MAP2: variants seen among roughly 807,000 people sequenced by gnomAD.
The protein encoded by MAP2 is microtubule-associated protein 2.
MAP2 carries 14 observed loss-of-function variants against 137.6 expected under a neutral mutation model. That is an observed-to-expected ratio of 0.10 (90% confidence interval 0.07 to 0.16). MAP2 has a LOEUF of 0.16. Ranked by LOEUF, MAP2 falls within the 10% of genes least tolerant of loss-of-function variation. MAP2 has a pLI of 1.00. For synonymous variants in MAP2, 786 were observed against 782.3 expected (o/e 1.00, Z -0.08); for missense variants, 2,088 against 2,191.5 (o/e 0.95, Z 0.94).
At chr2:209,562,628 C>T (rs553121326) in intron 2 of MAP2, among the ~76,000 whole-genome samples, 85 of 151,768 alleles carry the variant, frequency 5.6e-4, no homozygotes, top group African/African-American at 1.8e-3. Context: ...ACCCAGAAGG[C>T]GGAGGTTGCA....
Position 209,695,096 on chromosome 2 carries a change from C to T in MAP2, c.2926C>T (p.His976Tyr), listed in dbSNP as rs758933497. ...KSEEHADSKE[H>Y]AKKTEEAGDE... ...TGAAGAACATGCTGATTCAAAAGAA[C>T]ATGCCAAGAAAACTGAAGAGGCTGG... Residue 976 changes from histidine (H) to tyrosine (Y), a missense_variant, in exon 8 of 16, where the codon CAT becomes TAT. Coordinates refer to ENST00000682079, the MANE Select transcript of MAP2 (RefSeq NM_001375505.1). 4 of 1,614,110 alleles carry T rather than the reference C, an allele frequency of 2.5e-6. No individual in the cohort carries two copies. The South Asian group carries it at 3.3e-5, about 13-fold the overall frequency.
At chr2:209,728,329 C>A (rs2074837304) in intron 14 of MAP2, among the ~76,000 whole-genome samples, 1 of 152,046 alleles carries the variant, frequency 6.6e-6, no homozygotes, top group African/African-American at 2.4e-5. Context: ...TGAATCATTG[C>A]AAATCATGTT....
intron 1 of MAP2, among the ~76,000 whole-genome samples, chr2:209,484,345 G>A (rs542081684): frequency 1.1e-4 from 16 of 151,668 alleles, no homozygotes; most frequent in Admixed American, 5.2e-4. Context: ...AGTGGCTCAC[G>A]CCCGTAATCC....
At chr2:209,481,859 C>T (rs1708858688) in intron 1 of MAP2, among the ~76,000 whole-genome samples, 2 of 152,178 alleles carry the variant, frequency 1.3e-5, no homozygotes, top group Admixed American at 1.3e-4. Flanking sequence ...TAGCTCACCA[C>T]GTAGCATACA....
intron 4 of MAP2, among the ~76,000 whole-genome samples, chr2:209,640,611 T>C (rs771066947): frequency 1.8e-4 from 27 of 152,060 alleles, no homozygotes; most frequent in Admixed American, 5.9e-4. Context: ...ATTTGGAATG[T>C]GATTTTAATT....
chr2:209,507,109 A>G (rs2061168924), intron 1 of MAP2, among the ~76,000 whole-genome samples: 1 of 152,150 alleles, frequency 6.6e-6, no homozygotes. Context: ...ATCACCTTCC[A>G]AAGGCCCCAC....
At chr2:209,712,746 T>C (rs1199322504) in intron 13 of MAP2, among the ~76,000 whole-genome samples, 1 of 152,160 alleles carries the variant, frequency 6.6e-6, no homozygotes, top group Non-Finnish European at 1.5e-5. Context: ...GGAGAGGTTT[T>C]TTCCATACTT....
chr2:209,730,807 T>C lies in MAP2; in HGVS notation c.*410T>C, dbSNP rs2075689312. 1 of 158,898 alleles carries C rather than the reference T, an allele frequency of 6.3e-6. No homozygotes were observed. Among genetic ancestry groups the C allele is most frequent in the Non-Finnish European group, 1.4e-5 (1 of 72,116 alleles). 9.8% of individuals were successfully genotyped at this position (158,898 alleles called of 1,614,324 possible). Reference sequence around the variant, plus strand: ...GATAAAAACTGCCCATTGTAACTTATTTCAGGTTAAATTAAACCAAGGAGT... The same window carrying C: ...GATAAAAACTGCCCATTGTAACTTACTTCAGGTTAAATTAAACCAAGGAGT... On this transcript the variant is annotated 3_prime_UTR_variant, in exon 16 of 16. Transcript: ENST00000682079.
chr2:209,559,216 C>T (rs931487304), intron 2 of MAP2, among the ~76,000 whole-genome samples: 12 of 152,088 alleles, frequency 7.9e-5, no homozygotes, highest in East Asian at 1.9e-4. Context: ...TCTCTCTCCC[C>T]GCCGACGCCT....
chr2:209,680,793 A>G lies in MAP2; in HGVS notation c.420A>G (p.Ser140=). The change falls in exon 7 of 16, where the codon TCA becomes TCG. Residue 140 remains serine (S), a synonymous_variant. Coordinates refer to ENST00000682079, the MANE Select transcript of MAP2 (RefSeq NM_001375505.1). ...ATCTGCCTCCTTCTCCACCCCCATC[A>G]CCTGCCTCAGAACAGACTGTCACAG... ...TANLPPSPPP[S]PASEQTVTVE... 6.2e-7 allele frequency: 1 copy of G among 1,613,584 alleles called. No individual in the cohort carries two copies. The highest frequency in any genetic ancestry group is 8.5e-7 in the Non-Finnish European group (1 of 1,179,684).
intron 2 of MAP2, among the ~76,000 whole-genome samples, chr2:209,508,494 G>T (rs1471328240): frequency 6.6e-6 from 1 of 151,424 alleles, no homozygotes; most frequent in Non-Finnish European, 1.5e-5. Flanking sequence ...CATATAACAG[G>T]CACACTGTAA....
intron 1 of MAP2, among the ~76,000 whole-genome samples, chr2:209,468,616 G>A (rs188556800): frequency 1.3e-5 from 2 of 152,058 alleles, no homozygotes; most frequent in East Asian, 3.9e-4. Context: ...CACCGCGCCC[G>A]GCCTCAGTTT....
chr2:209,723,191 T>C (rs1387441685), intron 13 of MAP2, among the ~76,000 whole-genome samples: 1 of 152,188 alleles, frequency 6.6e-6, no homozygotes, highest in African/African-American at 2.4e-5. Context: ...GGCGAGGGAA[T>C]GGCATATCCT....
At chr2:209,461,561 T>TTC (rs1390717818) in intron 1 of MAP2, among the ~76,000 whole-genome samples, 2 of 152,168 alleles carry the variant, frequency 1.3e-5, no homozygotes, top group Non-Finnish European at 2.9e-5. Flanking sequence ...GTTCAAGCTA[T>TTC]TCTCCTGCCT....
chr2:209,669,791 G>A lies in MAP2; in HGVS notation c.263-8781G>A, dbSNP rs536827615. On this transcript the variant is annotated intron_variant, in intron 5 of 15. Coordinates refer to ENST00000682079, the MANE Select transcript of MAP2 (RefSeq NM_001375505.1). Reference sequence around the variant, plus strand: ...AACATGTGCATACACACACACACACGCACACACACACACACAAAATTGCTT... The same window carrying A: ...AACATGTGCATACACACACACACACACACACACACACACACAAAATTGCTT... Among the ~76,000 whole-genome samples, 1,405 of 149,368 alleles carry A rather than the reference G, an allele frequency of 9.4e-3. 17 individuals carry two copies. The highest frequency in any genetic ancestry group is 0.014 in the South Asian group (67 of 4,736).
At chr2:209,575,697 C>CA (rs1440473391) in intron 2 of MAP2, among the ~76,000 whole-genome samples, 2 of 152,026 alleles carry the variant, frequency 1.3e-5, no homozygotes, top group African/African-American at 4.8e-5. Context: ...TTTTCATATT[C>CA]AGTCATTTAA....
intron 1 of MAP2, among the ~76,000 whole-genome samples, chr2:209,428,570 A>T (rs1448664101): frequency 6.6e-6 from 1 of 151,972 alleles, no homozygotes; most frequent in Non-Finnish European, 1.5e-5. Flanking sequence ...GTCTTTAGAA[A>T]ATGAAATTAT....
At chr2:209,465,823 A>AT (rs372254222) in intron 1 of MAP2, among the ~76,000 whole-genome samples, 1 of 152,010 alleles carries the variant, frequency 6.6e-6, no homozygotes, top group Non-Finnish European at 1.5e-5. Context: ...CAGAGGTGTA[A>AT]TTTTTTAAAA....
At chr2:209,491,552 C>G (rs1469077713) in intron 1 of MAP2, among the ~76,000 whole-genome samples, 3 of 151,968 alleles carry the variant, frequency 2.0e-5, no homozygotes, top group Non-Finnish European at 4.4e-5. Flanking sequence ...AGACCACTAG[C>G]CAGACCAATA....
Sources: allele counts gnomAD v4.1 joint callset (sites outside exome capture counted in the v4.1 genomes callset), GRCh38; gene constraint gnomAD v4.1.1; transcripts MANE v1.5; gene names NCBI Gene and HGNC (gene_info 2026-07-23, HGNC 2026-07-21).